DNAH6: variants seen among roughly 807,000 people sequenced by gnomAD.
DNAH6 encodes axonemal beta dynein heavy chain 6.
Under a neutral mutation model 491.4 loss-of-function variants are expected in DNAH6, and 340 were observed. That is an observed-to-expected ratio of 0.69 (90% CI 0.63 to 0.76). DNAH6 has a LOEUF of 0.76. Among genes scored for constraint, DNAH6 ranks in the 30% least tolerant of loss-of-function variants. DNAH6 has a pLI of 0.00. For missense variants in DNAH6, 4,443 were observed against 4,972.2 expected (o/e 0.89, Z 3.20); for synonymous variants, 1,603 against 1,686.1 (o/e 0.95, Z 1.21).
intron 62 of DNAH6, among the ~76,000 whole-genome samples, chr2:84,741,124 C>A (rs563728920): frequency 6.6e-6 from 1 of 151,942 alleles, no homozygotes; most frequent in Non-Finnish European, 1.5e-5. Flanking sequence ...CATAGCAGCT[C>A]GTAGCAAGGC....
the DNAH6 span, among the ~76,000 whole-genome samples, chr2:84,497,078 C>A: frequency 6.6e-6 from 1 of 151,032 alleles, no homozygotes; most frequent in Non-Finnish European, 1.5e-5. Flanking sequence ...TTAAGCAATT[C>A]TCGTGCCTCA....
chr2:84,786,380 G>A (rs1476406759), intron 67 of DNAH6, among the ~76,000 whole-genome samples: 2 of 148,248 alleles, frequency 1.3e-5, no homozygotes, highest in Admixed American at 1.4e-4. Context: ...AACAGTGATT[G>A]TGCCACTGCA....
chr2:84,488,575 A>G, the DNAH6 span, among the ~76,000 whole-genome samples: 1 of 152,066 alleles, frequency 6.6e-6, no homozygotes, highest in African/African-American at 2.4e-5. Flanking sequence ...GCTTTAAAGT[A>G]TACCACTCCA....
intron 52 of DNAH6, among the ~76,000 whole-genome samples, chr2:84,706,644 A>G (rs1356572601): frequency 1.6e-4 from 25 of 152,174 alleles, no homozygotes; most frequent in Non-Finnish European, 3.4e-4. Context: ...TTCATCCCAA[A>G]TGCTCAGTAC....
rs139016140 is a variant in DNAH6, at chr2:84,681,834, T to A, written c.6916+306T>A. On this transcript the variant is annotated intron_variant, in intron 42 of 76. Transcript: ENST00000389394. ...TGCATCTTCCTTCCCTGGGCTGAGCTCCCCCTCCATCTGTCAGTGTCAATG... is the reference window on the plus strand; with the variant it reads ...TGCATCTTCCTTCCCTGGGCTGAGCACCCCCTCCATCTGTCAGTGTCAATG... Among the ~76,000 whole-genome samples the A allele has an allele frequency of 2.8e-3, 422 of 151,792 alleles. 2 individuals carry two copies. Among genetic ancestry groups the A allele is most frequent in the African/African-American group, 9.5e-3 (394 of 41,350 alleles).
chr2:84,731,579 GA>G (rs1394397572), intron 61 of DNAH6, among the ~76,000 whole-genome samples: 3 of 152,204 alleles, frequency 2.0e-5, no homozygotes, highest in African/African-American at 7.2e-5. Context: ...GGTTTTTCCT[GA>G]GTGGGAGAAG....
Position 84,713,323 on chromosome 2 carries a change from A to C in DNAH6, c.9543+64A>C. On this transcript the variant is annotated intron_variant, in intron 57 of 76. Transcript: ENST00000389394. ...TTATCATGGTGTAATGAATCTCTGAAGTTTGATGGGCTCCCACCCGGAGGG... is the reference window on the plus strand; with the variant it reads ...TTATCATGGTGTAATGAATCTCTGACGTTTGATGGGCTCCCACCCGGAGGG... 7 of 1,490,594 alleles carry C rather than the reference A, an allele frequency of 4.7e-6. No individual in the cohort carries two copies. In the South Asian group the frequency reaches 7.7e-5, roughly 16 times the overall value. 92.3% of individuals were successfully genotyped at this position (1,490,594 alleles called of 1,614,324 possible).
intron 65 of DNAH6, 84 bp from the exon 66 acceptor site, chr2:84,784,638 C>T (rs1454317035): frequency 8.5e-6 from 7 of 826,396 alleles, no homozygotes; most frequent in Admixed American, 7.3e-5. Flanking sequence ...TTTTCCTTCT[C>T]TAGAAATAAT....
Position 84,549,940 on chromosome 2 carries a change from G to A in DNAH6, c.1368G>A (p.Thr456=), listed in dbSNP as rs372969433. ...TTGAGAACACAATGCACATCTTAAC[G>A]GTAAATGCTGTTAATTCGCTTTTGA... ...YLIENTMHIL[T]VNAVNSLLNH... is the part of the protein sequence containing the mutation. Residue 456 remains threonine, a synonymous_variant, in exon 9 of 77, where the codon ACG becomes ACA. Transcript: ENST00000389394. The A allele has an allele frequency of 2.8e-5, 45 of 1,613,524 alleles. No individual in the cohort carries two copies. The highest frequency in any genetic ancestry group is 2.7e-4 in the South Asian group (25 of 91,034).
chr2:84,735,003 A>G (rs1022017894), intron 62 of DNAH6, among the ~76,000 whole-genome samples: 1 of 152,156 alleles, frequency 6.6e-6, no homozygotes, highest in African/African-American at 2.4e-5. Context: ...TTGCCCAGGT[A>G]GTGAACATAG....
At position 84,619,734 on chromosome 2, in the gene DNAH6, C is replaced by T. The variant is rs995721640; in HGVS notation, c.3622C>T (p.Arg1208Ter). Residue 1208 changes from arginine (R) to a stop codon, truncating the protein, a stop_gained, in exon 24 of 77, where the codon CGA becomes TGA. Transcript: ENST00000389394. LOFTEE classifies it high-confidence loss of function. The stretch of plus-strand genomic sequence containing the variant: ...ACTTCTGGAGATTTTGGCCCAGACA[C>T]GAAATCCACAGGCCGTGCAGCCACA... Reference protein sequence around the residue: ...DELLEILAQTRNPQAVQPHLR... With the variant: ...DELLEILAQT The T allele has an allele frequency of 5.8e-6, 9 of 1,551,502 alleles. No homozygotes were observed. Among genetic ancestry groups the T allele is most frequent in the Non-Finnish European group, 7.8e-6 (9 of 1,146,838 alleles).
At chr2:84,769,261 A>G (rs1573753875) in intron 64 of DNAH6, among the ~76,000 whole-genome samples, 1 of 152,214 alleles carries the variant, frequency 6.6e-6, no homozygotes, top group East Asian at 1.9e-4. Context: ...AATAAAAGCC[A>G]TATTTTACGT....
Position 84,668,048 on chromosome 2 carries a change from C to T in DNAH6, c.6085-1241C>T, listed in dbSNP as rs563588600. On this transcript the variant is annotated intron_variant, in intron 37 of 76. Coordinates refer to ENST00000389394, the MANE Select transcript of DNAH6 (RefSeq NM_001370.2). ...AGGTGGGAATTGAACAATGAGAACA[C>T]TTGGACACAGGGTGGGGAACATCAC... Among the ~76,000 whole-genome samples the T allele has an allele frequency of 1.1e-4, 16 of 152,114 alleles. No individual in the cohort carries two copies. The East Asian group carries it at 2.5e-3, about 24-fold the overall frequency.
chr2:84,694,257 G>A lies in DNAH6; in HGVS notation c.7301G>A (p.Arg2434Gln), dbSNP rs1050368090. Reference sequence around the variant, plus strand: ...TGCTCTGATGTTTGCAGGATTGCTCGGATGATACGTCAAGAAAGAGGCAAT... The same window carrying A: ...TGCTCTGATGTTTGCAGGATTGCTCAGATGATACGTCAAGAAAGAGGCAAT... ...DAIEHVSRIA[R>Q]MIRQERGNAL... Residue 2434 changes from arginine to glutamine, a missense_variant, in exon 46 of 77, where the codon CGG (arginine) becomes CAG (glutamine). By Grantham distance (43) the Arg-to-Gln change is conservative. This residue lies in a region of DNAH6 where 2,977 missense variants were observed against 3,296.6 expected (regional missense o/e 0.90). Transcript: ENST00000389394. 11 of 1,551,718 alleles carry A rather than the reference G, an allele frequency of 7.1e-6. No homozygotes were observed. Among genetic ancestry groups the A allele is most frequent in the Middle Eastern group, 1.7e-4 (1 of 6,016 alleles).
At chr2:84,779,087 C>T (rs1192378) in intron 64 of DNAH6, among the ~76,000 whole-genome samples, 38,659 of 152,022 alleles carry the variant, frequency 0.25, 5,614 homozygotes, top group African/African-American at 0.42. Flanking sequence ...CTGTGTTCCA[C>T]ATACAGATGA....
chr2:84,529,214 A>T (rs1676918160), intron 4 of DNAH6, 48 bp downstream of exon 4: 1 of 1,334,524 alleles, frequency 7.5e-7, no homozygotes, highest in Non-Finnish European at 1.0e-6. Context: ...TACAAATAAG[A>T]TTTCACATAT....
rs146228965 is a variant in DNAH6 at position 84,528,772 on chromosome 2, CA to C, written c.400-128del. On this transcript the variant is annotated intron_variant, in intron 3 of 76. Transcript: ENST00000389394. The stretch of plus-strand genomic sequence containing the variant: ...ACAATAGTTTGAAAATTTTCAGTGC[CA>C]AAATGCTTGCCTTTGAGCCCTAGAC... The C allele has an allele frequency of 2.4e-3, 2,097 of 879,386 alleles. 24 individuals carry two copies. The African/African-American group carries it at 0.031, about 13-fold the overall frequency. 54.5% of individuals were successfully genotyped at this position (879,386 alleles called of 1,614,324 possible). A position where few individuals can be genotyped will look rare whatever the true frequency, so the allele number is the denominator to read the frequency against.
intron 72 of DNAH6, among the ~76,000 whole-genome samples, chr2:84,812,025 T>G (rs1192606296): frequency 6.6e-6 from 1 of 152,216 alleles, no homozygotes; most frequent in East Asian, 1.9e-4. Flanking sequence ...ATTTTTCTTT[T>G]GGCCTGGAGG....
Position 84,781,658 on chromosome 2 carries a change from G to A in DNAH6, c.10864+5G>A, listed in dbSNP as rs1486365414. On this transcript the variant is annotated splice_donor_5th_base_variant and intron_variant, in intron 65 of 76. Coordinates refer to ENST00000389394, the MANE Select transcript of DNAH6 (RefSeq NM_001370.2). ...TTAAAACCTTCACAGATCCAGGTATGTTGAGCATATAGCCCTTGCATAATA... is the reference window on the plus strand; with the variant it reads ...TTAAAACCTTCACAGATCCAGGTATATTGAGCATATAGCCCTTGCATAATA... 2 of 1,550,520 alleles carry A rather than the reference G, an allele frequency of 1.3e-6. No individual in the cohort carries two copies. Among genetic ancestry groups the A allele is most frequent in the African/African-American group, 2.7e-5 (2 of 72,980 alleles).
Sources: allele counts gnomAD v4.1 joint callset (sites outside exome capture counted in the v4.1 genomes callset), GRCh38; gene constraint gnomAD v4.1.1; regional missense constraint gnomAD v4.1.1; transcripts MANE v1.5; gene names NCBI Gene and HGNC (gene_info 2026-07-23, HGNC 2026-07-21).